Variants in ARMC9 observed in about 807,000 individuals in gnomAD.
ARMC9 encodes the protein lisH domain-containing protein ARMC9.
ARMC9 carries 94 observed loss-of-function variants against 107.0 expected under a neutral mutation model. That is an observed-to-expected ratio of 0.88 (90% CI 0.74 to 1.04). ARMC9 has a LOEUF of 1.04. Among genes scored for constraint, ARMC9 ranks in the 50% least tolerant of loss-of-function variants. The pLI is 0.00. For missense variants in ARMC9, 942 were observed against 1,030.1 expected (o/e 0.91, Z 1.17); for synonymous variants, 380 against 396.9 (o/e 0.96, Z 0.51).
At position 231,371,670 on chromosome 2, in the gene ARMC9, C is replaced by T. The variant is rs1001683777; in HGVS notation, c.*135C>T. ...TCTGGGAGCTGAGGGGAGGCCGGCT[C>T]TCCAGGCAGCACCAGAGCAAGGCCA... On this transcript the variant is annotated 3_prime_UTR_variant, in exon 25 of 25. Coordinates refer to ENST00000611582, the MANE Select transcript of ARMC9 (RefSeq NM_001352754.2). 5.8e-5 allele frequency: 54 copies of T among 926,348 alleles called. 1 individual carries two copies. The Admixed American group carries it at 1.7e-3, about 29-fold the overall frequency. The allele number at this position is 926,348 out of a possible 1,614,324, so 57.4% of individuals were successfully genotyped here.
At chr2:231,320,901 C>T (rs1355686398) in intron 19 of ARMC9, among the ~76,000 whole-genome samples, 1 of 152,178 alleles carries the variant, frequency 6.6e-6, no homozygotes, top group Non-Finnish European at 1.5e-5. Flanking sequence ...CAGAGACCCA[C>T]AAAAATGATA....
chr2:231,334,877 G>A (rs555905432), intron 20 of ARMC9, among the ~76,000 whole-genome samples: 11 of 152,176 alleles, frequency 7.2e-5, no homozygotes, highest in Admixed American at 4.6e-4. Flanking sequence ...TTTTTGTCGC[G>A]TTTTGTGTGT....
intron 19 of ARMC9, among the ~76,000 whole-genome samples, chr2:231,324,168 C>T (rs1269590824): frequency 4.4e-5 from 5 of 114,612 alleles, no homozygotes; most frequent in East Asian, 2.6e-4. Context: ...TGCTCTGTTG[C>T]CCAGGCTGGA....
intron 3 of ARMC9, 139 bp from the exon 4 acceptor site, chr2:231,214,692 G>A (rs1320946590): frequency 1.1e-6 from 1 of 896,890 alleles, no homozygotes; most frequent in African/African-American, 1.7e-5. Context: ...TCAGGAGCTT[G>A]AATCCTGTGG....
chr2:231,213,831 G>T (rs941831383), intron 3 of ARMC9, among the ~76,000 whole-genome samples: 5 of 152,198 alleles, frequency 3.3e-5, no homozygotes, highest in African/African-American at 1.2e-4. Context: ...AATAACAATG[G>T]TATTGGGTGG....
intron 20 of ARMC9, among the ~76,000 whole-genome samples, chr2:231,336,139 A>G (rs1389782268): frequency 1.3e-5 from 2 of 152,130 alleles, no homozygotes; most frequent in African/African-American, 4.8e-5. Flanking sequence ...CTTAAGAAGA[A>G]TGCCCTGACT....
intron 19 of ARMC9, among the ~76,000 whole-genome samples, chr2:231,301,178 T>G (rs2041703696): frequency 6.6e-6 from 1 of 152,226 alleles, no homozygotes; most frequent in Non-Finnish European, 1.5e-5. Context: ...CCATGTTGCC[T>G]TTTTCTCTTG....
At chr2:231,199,410 C>T (rs2030372316) in intron 1 of ARMC9, among the ~76,000 whole-genome samples, 1 of 152,190 alleles carries the variant, frequency 6.6e-6, no homozygotes, top group Non-Finnish European at 1.5e-5. Flanking sequence ...TTCATTTGCA[C>T]AAGCGTGCCA....
At chr2:231,200,067 C>G (rs1238669371) in intron 1 of ARMC9, among the ~76,000 whole-genome samples, 2 of 152,144 alleles carry the variant, frequency 1.3e-5, no homozygotes, top group Non-Finnish European at 2.9e-5. Flanking sequence ...GACAGTTGAT[C>G]ACAGCAGATA....
At chr2:231,329,733 C>T (rs552592603) in intron 19 of ARMC9, among the ~76,000 whole-genome samples, 4 of 152,162 alleles carry the variant, frequency 2.6e-5, no homozygotes, top group East Asian at 3.9e-4. Flanking sequence ...TTTCAATGTT[C>T]GTGTGTTCCT....
chr2:231,313,653 AC>A (rs763518363), intron 19 of ARMC9, among the ~76,000 whole-genome samples: 19 of 151,534 alleles, frequency 1.3e-4, no homozygotes, highest in Admixed American at 5.3e-4. Context: ...TGGGTCCCCC[AC>A]CCCCACAAAC....
intron 4 of ARMC9, 78 bp downstream of exon 4, chr2:231,215,079 A>G: frequency 6.7e-7 from 1 of 1,500,048 alleles, no homozygotes; most frequent in Non-Finnish European, 9.2e-7. Flanking sequence ...CCACATGGGC[A>G]TGGATTTCAT....
chr2:231,331,081 A>G (rs978532471), intron 19 of ARMC9, among the ~76,000 whole-genome samples: 1 of 152,136 alleles, frequency 6.6e-6, no homozygotes, highest in Non-Finnish European at 1.5e-5. Context: ...GGTCAAGGGC[A>G]CAATGACCTG....
rs1180789771 is a variant in ARMC9, at chr2:231,360,726, G to A, written c.2132-28G>A. The A allele has an allele frequency of 3.9e-6, 6 of 1,536,018 alleles. No individual in the cohort carries two copies. Among genetic ancestry groups the A allele is most frequent in the African/African-American group, 2.7e-5 (2 of 73,058 alleles). On this transcript the variant is annotated intron_variant, in intron 22 of 24. Transcript: ENST00000611582. The surrounding 1 kb of genome is among the most constrained non-coding windows in gnomAD (Gnocchi z 4.7). Reference sequence around the variant, plus strand: ...CTTAGAGGGGCTCCAGAGCAGATGTGGACTGAACTTTCTCTCCTCCTCCCC... The same window carrying A: ...CTTAGAGGGGCTCCAGAGCAGATGTAGACTGAACTTTCTCTCCTCCTCCCC...
intron 9 of ARMC9, among the ~76,000 whole-genome samples, chr2:231,241,510 G>T (rs760991139): frequency 1.3e-5 from 2 of 152,070 alleles, no homozygotes; most frequent in Non-Finnish European, 2.9e-5. Flanking sequence ...TTGGAATGAG[G>T]CTCCTGTGTG....
chr2:231,212,084 A>G (rs888602161), intron 3 of ARMC9, among the ~76,000 whole-genome samples: 1 of 152,230 alleles, frequency 6.6e-6, no homozygotes. Flanking sequence ...GTGGAACTCA[A>G]AAAATAGTGA....
In ARMC9 at chr2:231,235,265, C is replaced by T. The variant is rs765083908; in HGVS notation, c.664C>T (p.Arg222Cys). 4 of 1,614,070 alleles carry T rather than the reference C, an allele frequency of 2.5e-6. No individual in the cohort carries two copies. The highest frequency in any genetic ancestry group is 1.1e-5 in the South Asian group (1 of 91,030). Residue 222 changes from arginine (R) to cysteine (C), a missense_variant, in exon 8 of 25, where the codon CGT becomes TGT. Transcript: ENST00000611582. Reference sequence around the variant, plus strand: ...CCACCAGCAGCTGGTTGAAGCTGAACGTAGGTCAGTGACATACCTCAAACG... The same window carrying T: ...CCACCAGCAGCTGGTTGAAGCTGAATGTAGGTCAGTGACATACCTCAAACG... ...QLHQQLVEAE[R>C]RSVTYLKRYN...
rs116242504 is a variant in ARMC9, at chr2:231,314,750, T to C, written c.1774-17043T>C. Among the ~76,000 whole-genome samples the C allele has an allele frequency of 6.8e-3, 1,037 of 152,352 alleles. 12 individuals carry two copies. Among genetic ancestry groups the C allele is most frequent in the African/African-American group, 0.024 (997 of 41,572 alleles). ...GGCCTAGGCCAACATTGCAAAGATT[T>C]TCTTTTATGTTTCCTTCTAAGGGCT... On this transcript the variant is annotated intron_variant, in intron 19 of 24. Transcript: ENST00000611582.
chr2:231,215,100 G>A, intron 4 of ARMC9, 99 bp downstream of exon 4: 1 of 1,404,038 alleles, frequency 7.1e-7, no homozygotes, highest in Non-Finnish European at 9.8e-7. Flanking sequence ...ATGTGGCTGT[G>A]CTGTCATAAT....
Sources: allele counts gnomAD v4.1 joint callset (sites outside exome capture counted in the v4.1 genomes callset), GRCh38; gene constraint gnomAD v4.1.1; non-coding constraint Gnocchi (gnomAD v3.1); transcripts MANE v1.5; gene names NCBI Gene and HGNC (gene_info 2026-07-23, HGNC 2026-07-21).